GPR39: variants seen among roughly 807,000 people sequenced by gnomAD.
GPR39 encodes the protein G protein-coupled receptor 39, also known as zinc sensing receptor.
Under a neutral mutation model 18.4 loss-of-function variants are expected in GPR39, and 23 were observed. The observed-to-expected ratio is 1.25, with a 90% CI of 0.90 to 1.77. GPR39 has a LOEUF of 1.77. Among genes scored for constraint, GPR39 ranks in the 40% most tolerant of loss-of-function variants. The pLI is 0.00. For synonymous variants in GPR39, 280 were observed against 257.9 expected (o/e 1.09, Z -0.82); for missense variants, 647 against 602.4 (o/e 1.07, Z -0.78).
intron 1 of GPR39, among the ~76,000 whole-genome samples, chr2:132,547,409 C>T (rs1474891592): frequency 6.6e-6 from 1 of 152,130 alleles, no homozygotes; most frequent in Non-Finnish European, 1.5e-5. Flanking sequence ...CCAGGCCCGG[C>T]AAAGCTGGGA....
intron 1 of GPR39, among the ~76,000 whole-genome samples, chr2:132,533,036 G>A (rs1304996249): frequency 6.6e-6 from 1 of 152,032 alleles, no homozygotes; most frequent in Admixed American, 6.5e-5. Flanking sequence ...CATTCAATTA[G>A]GAAAAGAGGA....
rs556026456 is a variant in GPR39, at chr2:132,490,261, C to T, written c.856+72363C>T. 5.3e-5 allele frequency among the ~76,000 whole-genome samples: 8 copies of T among 151,606 alleles called. 1 individual carries two copies. The South Asian group carries it at 1.7e-3, about 32-fold the overall frequency. On this transcript the variant is annotated intron_variant, in intron 1 of 1. Transcript: ENST00000329321. ...GCTTCACTCTAGAGTTTGGAGATAG[C>T]GAGAGATGAAAAGAAAGAAATGGAA...
At chr2:132,627,657 G>A (rs539917125) in intron 1 of GPR39, among the ~76,000 whole-genome samples, 2 of 152,278 alleles carry the variant, frequency 1.3e-5, no homozygotes, top group Admixed American at 1.3e-4. Context: ...AAGGGCTCTT[G>A]ATTCTAAAAT....
chr2:132,504,461 G>A (rs918745658), intron 1 of GPR39, among the ~76,000 whole-genome samples: 7 of 152,264 alleles, frequency 4.6e-5, no homozygotes, highest in Non-Finnish European at 4.4e-5. Context: ...ACTGCCTGTC[G>A]TTGGGGTGCT....
chr2:132,446,597 C>T (rs758202734), intron 1 of GPR39, among the ~76,000 whole-genome samples: 16 of 152,088 alleles, frequency 1.1e-4, no homozygotes, highest in Non-Finnish European at 1.9e-4. Context: ...TGTGCCTCTG[C>T]CTGTGTCTTG....
intron 1 of GPR39, among the ~76,000 whole-genome samples, chr2:132,570,201 C>A (rs1329390750): frequency 1.3e-5 from 2 of 152,122 alleles, no homozygotes; most frequent in Non-Finnish European, 2.9e-5. Flanking sequence ...TTTCTTTCTT[C>A]CACCTTTATC....
At chr2:132,481,438 A>C (rs1208894317) in intron 1 of GPR39, among the ~76,000 whole-genome samples, 1 of 152,206 alleles carries the variant, frequency 6.6e-6, no homozygotes, top group Non-Finnish European at 1.5e-5. Context: ...GTGTCTTTTT[A>C]GTGTTTGCTA....
chr2:132,569,256 TG>T (rs1451180687), intron 1 of GPR39, among the ~76,000 whole-genome samples: 1 of 152,130 alleles, frequency 6.6e-6, no homozygotes, highest in Non-Finnish European at 1.5e-5. Context: ...CTAACAGTTT[TG>T]AAAGACTGAA....
chr2:132,568,504 G>A (rs894771930), intron 1 of GPR39, among the ~76,000 whole-genome samples: 4 of 151,990 alleles, frequency 2.6e-5, no homozygotes, highest in Non-Finnish European at 5.9e-5. Context: ...CCAGGAATTC[G>A]AAACCAGCCT....
chr2:132,584,563 C>T (rs1680689160), intron 1 of GPR39, among the ~76,000 whole-genome samples: 1 of 151,926 alleles, frequency 6.6e-6, no homozygotes, highest in African/African-American at 2.4e-5. Context: ...CTGTACCCAC[C>T]CTGAGTCCCC....
intron 1 of GPR39, among the ~76,000 whole-genome samples, chr2:132,600,536 A>G (rs1457850412): frequency 3.3e-5 from 5 of 152,188 alleles, no homozygotes; most frequent in Non-Finnish European, 7.3e-5. Context: ...ATTACAACTA[A>G]TATCACAGAA....
At chr2:132,447,158 C>T (rs955998215) in intron 1 of GPR39, among the ~76,000 whole-genome samples, 5 of 152,172 alleles carry the variant, frequency 3.3e-5, no homozygotes, top group African/African-American at 4.8e-5. Context: ...GTCTTCATCC[C>T]TGTCCTATCC....
rs1558870761 is a variant in GPR39 at position 132,645,321 on chromosome 2, G to GTGC, written c.1081_1083dup (p.Cys361dup). 2 of 1,614,190 alleles carry GTGC rather than the reference G, an allele frequency of 1.2e-6. No homozygotes were observed. Among genetic ancestry groups the GTGC allele is most frequent in the Non-Finnish European group, 8.5e-7 (1 of 1,180,036 alleles). On this transcript the variant is annotated inframe_insertion, in exon 2 of 2. Coordinates refer to ENST00000329321, the MANE Select transcript of GPR39 (RefSeq NM_001508.3). Reference sequence around the variant, plus strand: ...TTCGGCGGGTGTTCGTGCAGGTGCTGTGCTGCCGCCTGTCGCTGCAGCACG... The same window carrying GTGC: ...TTCGGCGGGTGTTCGTGCAGGTGCTGTGCTGCTGCCGCCTGTCGCTGCAGCACG...
intron 1 of GPR39, among the ~76,000 whole-genome samples, chr2:132,469,156 C>T (rs1680984819): frequency 6.6e-6 from 1 of 152,200 alleles, no homozygotes; most frequent in African/African-American, 2.4e-5. Context: ...GTGGAGCCTC[C>T]TCTTGCCCTC....
chr2:132,441,202 C>T (rs904538658), intron 1 of GPR39, among the ~76,000 whole-genome samples: 4 of 152,042 alleles, frequency 2.6e-5, no homozygotes, highest in African/African-American at 4.8e-5. Context: ...CCTGTGTGCT[C>T]CCAGAACAGG....
At chr2:132,537,098 T>C (rs886706792) in intron 1 of GPR39, among the ~76,000 whole-genome samples, 53 of 152,352 alleles carry the variant, frequency 3.5e-4, no homozygotes, top group African/African-American at 1.2e-3. Context: ...TGTGGTAATT[T>C]GATCCTGTCA....
chr2:132,472,650 A>T lies in GPR39; in HGVS notation c.856+54752A>T, dbSNP rs569652536. On this transcript the variant is annotated intron_variant, in intron 1 of 1. Coordinates refer to ENST00000329321, the MANE Select transcript of GPR39 (RefSeq NM_001508.3). The stretch of plus-strand genomic sequence containing the variant: ...GGTGTTGGTACTACAGAGGTAAGTG[A>T]CATGGTAGTGACCTGACCATGAACT... 3.9e-5 allele frequency among the ~76,000 whole-genome samples: 6 copies of T among 152,298 alleles called. No homozygotes were observed. In the South Asian group the frequency reaches 1.0e-3, roughly 26 times the overall value.
intron 1 of GPR39, among the ~76,000 whole-genome samples, chr2:132,548,565 A>G (rs1165221659): frequency 6.6e-6 from 1 of 152,244 alleles, no homozygotes; most frequent in African/African-American, 2.4e-5. Flanking sequence ...AAAGGAATTT[A>G]ACTCTGCTAA....
At chr2:132,566,345 G>A (rs1680349983) in intron 1 of GPR39, among the ~76,000 whole-genome samples, 1 of 150,476 alleles carries the variant, frequency 6.6e-6, no homozygotes, top group Non-Finnish European at 1.5e-5. Context: ...CTCCCATGTT[G>A]TAGGTTGCCT....
Sources: gnomAD v4.1 joint callset for allele counts (sites outside exome capture counted in the v4.1 genomes callset) on GRCh38, gnomAD v4.1.1 for gene constraint, MANE v1.5 for transcripts, NCBI Gene and HGNC (gene_info 2026-07-23, HGNC 2026-07-21) for gene names.